Variants in ACSS2 observed in about 807,000 individuals in gnomAD.
The protein encoded by ACSS2 is acyl-CoA synthetase short chain family member 2, also known as acetyl-coenzyme A synthetase, cytoplasmic.
Under a neutral mutation model 90.6 loss-of-function variants are expected in ACSS2, and 58 were observed. That is an observed-to-expected ratio of 0.64 (90% CI 0.52 to 0.80). The LOEUF (loss-of-function observed/expected upper bound fraction) is 0.80. ACSS2 is among the 30% of genes least tolerant of loss of function. The pLI is 0.00. For missense variants in ACSS2, 759 were observed against 912.0 expected (o/e 0.83, Z 2.16); for synonymous variants, 300 against 330.9 (o/e 0.91, Z 1.01).
chr20:34,883,105 C>T, intron 2 of ACSS2, 116 bp downstream of exon 2: 2 of 712,514 alleles, frequency 2.8e-6, no homozygotes, highest in Non-Finnish European at 4.5e-6. Flanking sequence ...AGGAAAAATA[C>T]CTCAAGGAAG....
upstream of ACSS2, chr20:34,876,607 C>T: frequency 3.1e-6 from 4 of 1,296,782 alleles, no homozygotes; most frequent in South Asian, 1.0e-4. Context: ...GCACCCGCCG[C>T]GACCGCAAAG....
In ACSS2 at chr20:34,914,086, C is replaced by T. The variant is rs765109273; in HGVS notation, c.644-10C>T. On this transcript the variant is annotated splice_polypyrimidine_tract_variant and intron_variant, in intron 5 of 17. Transcript: ENST00000360596. ...TTACTAAGGCCTGGAATGTCTGTTG[C>T]TCCCCAAAGATGCCTTCTACAGGGG... 10 of 1,613,878 alleles carry T rather than the reference C, an allele frequency of 6.2e-6. No individual in the cohort carries two copies. The Admixed American group carries it at 8.3e-5, about 13-fold the overall frequency.
At chr20:34,919,027 A>G (rs2081134677) in intron 7 of ACSS2, among the ~76,000 whole-genome samples, 1 of 152,184 alleles carries the variant, frequency 6.6e-6, no homozygotes, top group Admixed American at 6.5e-5. Context: ...AATAACAGGA[A>G]ATATGTACTG....
intron 2 of ACSS2, among the ~76,000 whole-genome samples, chr20:34,885,421 T>A (rs1022517165): frequency 3.9e-5 from 6 of 152,106 alleles, no homozygotes; most frequent in African/African-American, 1.4e-4. Context: ...CACCCTTACC[T>A]GAACAGGCTC....
chr20:34,923,399 A>T lies in ACSS2; in HGVS notation c.1625A>T (p.Lys542Met). 1 of 1,614,188 alleles carries T rather than the reference A, an allele frequency of 6.2e-7. No homozygotes were observed. Among genetic ancestry groups the T allele is most frequent in the Non-Finnish European group, 8.5e-7 (1 of 1,180,012 alleles). ...NHERFETTYF[K>M]KFPGYYVTGD... The stretch of plus-strand genomic sequence containing the variant: ...GAACGCTTTGAGACAACCTACTTTA[A>T]GAAGTTTCCTGGATACTATGTTACA... Residue 542 changes from lysine to methionine, a missense_variant, in exon 14 of 18, where the codon AAG (lysine) becomes ATG (methionine). Transcript: ENST00000360596.
chr20:34,896,901 G>A (rs961855216), intron 2 of ACSS2, among the ~76,000 whole-genome samples: 17 of 152,150 alleles, frequency 1.1e-4, no homozygotes, highest in African/African-American at 4.1e-4. Context: ...GTGGTGGCGG[G>A]GGCCTGTAGT....
intron 1 of ACSS2, among the ~76,000 whole-genome samples, chr20:34,877,457 T>C (rs1404539511): frequency 6.6e-6 from 1 of 152,172 alleles, no homozygotes. Flanking sequence ...TTTTTTTAAC[T>C]TGGGCTGGGA....
rs778472257 is a variant in ACSS2 at position 34,876,699 on chromosome 20, G to A, written c.54G>A (p.Glu18=). 12 of 1,436,876 alleles carry A rather than the reference G, an allele frequency of 8.4e-6. No homozygotes were observed. In the South Asian group the frequency reaches 1.3e-4, roughly 15 times the overall value. 89.0% of individuals were successfully genotyped at this position (1,436,876 alleles called of 1,614,324 possible). The change falls in exon 1 of 18, where the codon GAG becomes GAA. Residue 18 remains glutamate, a synonymous_variant. Transcript: ENST00000360596. ...VRSGSGSRGQ[E]EAGAGGRARS... is the part of the protein sequence containing the mutation. ...GCGGCAGCGGGAGCCGGGGCCAGGA[G>A]GAAGCTGGAGCCGGAGGCCGGGCGC...
intron 7 of ACSS2, among the ~76,000 whole-genome samples, chr20:34,914,918 G>T (rs1484012306): frequency 2.0e-5 from 3 of 152,122 alleles, no homozygotes; most frequent in Non-Finnish European, 4.4e-5. Flanking sequence ...GCCCAGTGAT[G>T]GCCTCCAGGC....
At chr20:34,881,109 C>T (rs761556763) in intron 1 of ACSS2, among the ~76,000 whole-genome samples, 5 of 148,404 alleles carry the variant, frequency 3.4e-5, no homozygotes, top group Admixed American at 1.4e-4. Context: ...TCACTGCAAC[C>T]TCCACCTCCC....
intron 2 of ACSS2, among the ~76,000 whole-genome samples, chr20:34,904,651 G>A (rs2045776467): frequency 6.6e-6 from 1 of 152,150 alleles, no homozygotes. Context: ...AATTCTAAAT[G>A]GATTTTGAAT....
Position 34,926,140 on chromosome 20 carries a change from C to T in ACSS2, c.1762C>T (p.Leu588Phe), listed in dbSNP as rs1463559405. ...LLSTAEVESA[L>F]VEHEAVAEAA... The stretch of plus-strand genomic sequence containing the variant: ...GAGTACAGCAGAGGTGGAGTCAGCA[C>T]TTGTGGAACATGAGGCTGTTGCAGA... Residue 588 changes from leucine (L) to phenylalanine (F), a missense_variant, in exon 16 of 18, where the codon CTT (leucine) becomes TTT (phenylalanine). Transcript: ENST00000360596. The T allele has an allele frequency of 1.2e-6, 2 of 1,614,212 alleles. No individual in the cohort carries two copies. Among genetic ancestry groups the T allele is most frequent in the African/African-American group, 2.7e-5 (2 of 75,056 alleles).
In ACSS2 at chr20:34,876,801, G is replaced by C; in HGVS notation, c.156G>C (p.Arg52=). The change falls in exon 1 of 18, where the codon CGG becomes CGC. Residue 52 remains arginine, a synonymous_variant. Coordinates refer to ENST00000360596, the MANE Select transcript of ACSS2 (RefSeq NM_018677.4). ...PSLQRYRELH[R]RSVEEPREFW... ...TGCAGCGCTACCGCGAGCTGCACCG[G>C]CGCTCCGTGGAGGAGCCGCGGGGTG... 1.5e-6 allele frequency: 2 copies of C among 1,321,930 alleles called. No homozygotes were observed. The highest frequency in any genetic ancestry group is 1.9e-6 in the Non-Finnish European group (2 of 1,031,026). The allele number at this position is 1,321,930 out of a possible 1,614,324, so 81.9% of individuals were successfully genotyped here.
At chr20:34,913,725 C>G (rs746479403) in intron 4 of ACSS2, 28 bp from the exon 5 acceptor site, 2 of 1,604,692 alleles carry the variant, frequency 1.2e-6, no homozygotes, top group Middle Eastern at 1.7e-4. Flanking sequence ...GCTTTCTTCT[C>G]TCCCTCAGAC....
At chr20:34,909,718 C>CT (rs879749574) in intron 2 of ACSS2, among the ~76,000 whole-genome samples, 2,472 of 137,852 alleles carry the variant, frequency 0.018, 53 homozygotes, top group Admixed American at 0.046. Flanking sequence ...CATTAAAATC[C>CT]TTTTTTTTTT....
chr20:34,875,918 G>A (rs1288466141), upstream of ACSS2: 1 of 152,582 alleles, frequency 6.6e-6, no homozygotes, highest in Non-Finnish European at 1.5e-5. Flanking sequence ...GAGAAAATCT[G>A]AGCTGGTTCC....
rs1569005103 is a variant in ACSS2, at chr20:34,927,228, C to T, written c.*14C>T. On this transcript the variant is annotated 3_prime_UTR_variant, in exon 18 of 18. Coordinates refer to ENST00000360596, the MANE Select transcript of ACSS2 (RefSeq NM_018677.4). The surrounding 1 kb of genome is among the most constrained non-coding windows in gnomAD (Gnocchi z 4.2). ...ACCATCCAGTGAACATGATCCTGAC[C>T]TTTACCTAGGATTCCTCCTGCTCCA... The T allele has an allele frequency of 6.2e-7, 1 of 1,612,668 alleles. No homozygotes were observed. Among genetic ancestry groups the T allele is most frequent in the East Asian group, 2.2e-5 (1 of 44,888 alleles).
chr20:34,907,205 T>C (rs1005525027), intron 2 of ACSS2, among the ~76,000 whole-genome samples: 4 of 151,430 alleles, frequency 2.6e-5, no homozygotes, highest in Non-Finnish European at 5.9e-5. Context: ...GCAACCTCCA[T>C]CTCCTGGGCT....
At chr20:34,899,423 T>TTTCTTTCC (rs1491564858) in intron 2 of ACSS2, among the ~76,000 whole-genome samples, 61 of 113,078 alleles carry the variant, frequency 5.4e-4, no homozygotes, top group East Asian at 2.6e-3. Flanking sequence ...TCTTTCTTTC[T>TTTCTTTCC]TTCCTTCCTT....
Sources: gnomAD v4.1 joint callset for allele counts (sites outside exome capture counted in the v4.1 genomes callset) on GRCh38, gnomAD v4.1.1 for gene constraint, Gnocchi (gnomAD v3.1) non-coding constraint, MANE v1.5 for transcripts, NCBI Gene and HGNC (gene_info 2026-07-23, HGNC 2026-07-21) for gene names.